Variants in ANKRD62 observed in about 807,000 individuals in gnomAD.
ANKRD62 encodes ankyrin repeat domain 62.
Under a neutral mutation model 98.8 loss-of-function variants are expected in ANKRD62, and 61 were observed. The ratio of observed to expected loss-of-function variants is 0.62; its 90% confidence interval spans 0.50 to 0.76. The LOEUF is 0.76. ANKRD62 is among the 30% of genes least tolerant of loss of function. The pLI, the probability that ANKRD62 is intolerant of heterozygous loss-of-function variation, is 0.00. For synonymous variants in ANKRD62, 341 were observed against 367.9 expected (o/e 0.93, Z 0.84); for missense variants, 933 against 1,082.9 (o/e 0.86, Z 1.94).
intron 6 of ANKRD62, chr18:12,102,646 T>C: frequency 1.2e-6 from 1 of 865,998 alleles, no homozygotes; most frequent in Non-Finnish European, 1.4e-6. Context: ...TACACAGCTG[T>C]TGAAAAATGA....
the ANKRD62 span, among the ~76,000 whole-genome samples, chr18:12,172,110 T>C: frequency 6.6e-6 from 1 of 151,874 alleles, no homozygotes; most frequent in Non-Finnish European, 1.5e-5. Flanking sequence ...AAGTTTCTTA[T>C]TACTGATCAT....
At chr18:12,138,499 G>A in the ANKRD62 span, among the ~76,000 whole-genome samples, 1 of 152,266 alleles carries the variant, frequency 6.6e-6, no homozygotes, top group East Asian at 1.9e-4. Flanking sequence ...GTGTGGTGTG[G>A]TGCTGGAAAG....
In ANKRD62 at chr18:12,093,968, A is replaced by T; in HGVS notation, c.-50A>T. 7.3e-6 allele frequency: 11 copies of T among 1,513,520 alleles called. No individual in the cohort carries two copies. Among genetic ancestry groups the T allele is most frequent in the Non-Finnish European group, 9.7e-6 (11 of 1,128,808 alleles). 93.8% of individuals were successfully genotyped at this position (1,513,520 alleles called of 1,614,324 possible). A position where few individuals can be genotyped will look rare whatever the true frequency, so the allele number is the denominator to read the frequency against. On this transcript the variant is annotated 5_prime_UTR_variant, in exon 1 of 14. Transcript: ENST00000587848. Reference sequence around the variant, plus strand: ...AGAGGCAGAAAACGAGTGGGAGCTGAGGTGTCTTAAAGCCGTTCCTCAGCC... The same window carrying T: ...AGAGGCAGAAAACGAGTGGGAGCTGTGGTGTCTTAAAGCCGTTCCTCAGCC...
At chr18:12,136,770 T>G in the ANKRD62 span, among the ~76,000 whole-genome samples, 1 of 152,206 alleles carries the variant, frequency 6.6e-6, no homozygotes, top group African/African-American at 2.4e-5. Flanking sequence ...TCACATCCCT[T>G]GTAAGTTGTA....
the ANKRD62 span, among the ~76,000 whole-genome samples, chr18:12,164,906 T>C: frequency 2.0e-5 from 3 of 152,006 alleles, no homozygotes; most frequent in South Asian, 6.2e-4. Context: ...TATTATTGTA[T>C]TTAGGTCTAT....
At chr18:12,150,779 G>A in the ANKRD62 span, among the ~76,000 whole-genome samples, 1 of 152,204 alleles carries the variant, frequency 6.6e-6, no homozygotes, top group East Asian at 1.9e-4. Context: ...CACCAGACCT[G>A]CCTTACAAGA....
the ANKRD62 span, among the ~76,000 whole-genome samples, chr18:12,175,060 G>A: frequency 1.5e-4 from 23 of 152,350 alleles, no homozygotes; most frequent in Admixed American, 7.2e-4. Context: ...TGCCTGCCCC[G>A]CTGTGGGCAT....
rs1433379922 is a variant in ANKRD62, at chr18:12,129,321, AT to A, written c.*1384del. ...ACTTTTCTGTAAAGGGCCAAGTAGT[AT>A]TATTTGAGACTTTGTGAGCCATAAG... is the stretch of plus-strand genomic sequence containing the variant. On this transcript the variant is annotated 3_prime_UTR_variant, in exon 14 of 14. Coordinates refer to ENST00000587848, the MANE Select transcript of ANKRD62 (RefSeq NM_001277333.2). 2 of 152,192 alleles carry A rather than the reference AT, an allele frequency of 1.3e-5. No individual in the cohort carries two copies. The highest frequency in any genetic ancestry group is 4.8e-5 in the African/African-American group (2 of 41,440). The allele number at this position is 152,192 out of a possible 1,614,324, so 9.4% of individuals were successfully genotyped here. A position where few individuals can be genotyped will look rare whatever the true frequency, so the allele number is the denominator to read the frequency against.
At position 12,102,158 on chromosome 18, in the gene ANKRD62, A is replaced by G. The variant is rs1909313476; in HGVS notation, c.821-1000A>G. 5 of 1,085,132 alleles carry G rather than the reference A, an allele frequency of 4.6e-6. No individual in the cohort carries two copies. In the East Asian group the frequency reaches 9.4e-5, roughly 20 times the overall value. 67.2% of individuals were successfully genotyped at this position (1,085,132 alleles called of 1,614,324 possible). A position where few individuals can be genotyped will look rare whatever the true frequency, so the allele number is the denominator to read the frequency against. ...TCAGTAACAACTTGTCCAAGGCCCG[A>G]GTAACTATGAAGAGTGAGGGTTGCA... On this transcript the variant is annotated intron_variant, in intron 6 of 13. Coordinates refer to ENST00000587848, the MANE Select transcript of ANKRD62 (RefSeq NM_001277333.2).
At chr18:12,123,915 T>G (rs887688379) in intron 11 of ANKRD62, among the ~76,000 whole-genome samples, 2 of 152,200 alleles carry the variant, frequency 1.3e-5, no homozygotes, top group Non-Finnish European at 2.9e-5. Context: ...TCCATAATAT[T>G]TACGAGAATT....
chr18:12,134,551 T>A (rs1259950381), downstream of ANKRD62, among the ~76,000 whole-genome samples: 1 of 151,914 alleles, frequency 6.6e-6, no homozygotes, highest in Non-Finnish European at 1.5e-5. Context: ...CAGGCCCCAG[T>A]GTGTGATGTT....
intron 3 of ANKRD62, among the ~76,000 whole-genome samples, 169 bp downstream of exon 3, chr18:12,095,779 C>T (rs1488756098): frequency 1.3e-5 from 2 of 152,086 alleles, no homozygotes; most frequent in Admixed American, 6.6e-5. Flanking sequence ...TATGAAAACA[C>T]GAGGTCTGTA....
chr18:12,145,462 G>A, the ANKRD62 span, among the ~76,000 whole-genome samples: 31 of 152,358 alleles, frequency 2.0e-4, no homozygotes, highest in African/African-American at 7.5e-4. Flanking sequence ...GGGCTGTTTT[G>A]CAAATACATG....
At chr18:12,113,419 A>T (rs1909591101) in intron 8 of ANKRD62, among the ~76,000 whole-genome samples, 1 of 152,132 alleles carries the variant, frequency 6.6e-6, no homozygotes, top group African/African-American at 2.4e-5. Context: ...CGAGGTCAGG[A>T]GTTTGAGACC....
chr18:12,114,923 A>G (rs540590500), intron 8 of ANKRD62, among the ~76,000 whole-genome samples, 165 bp from the exon 9 acceptor site: 1 of 152,236 alleles, frequency 6.6e-6, no homozygotes, highest in Non-Finnish European at 1.5e-5. Context: ...CCCCTTGTAA[A>G]AAAAATTGTA....
rs1048409972 is a variant in ANKRD62, at chr18:12,103,275, A to G, written c.891+47A>G. On this transcript the variant is annotated intron_variant, in intron 7 of 13. Transcript: ENST00000587848. The stretch of plus-strand genomic sequence containing the variant: ...AATTTCTGGTTTTCTTTGGTAATGT[A>G]GCATAATCCAAATGAAATTACTTTT... The G allele has an allele frequency of 2.6e-6, 3 of 1,175,064 alleles. No homozygotes were observed. In the African/African-American group the frequency reaches 4.7e-5, roughly 19 times the overall value. The allele number at this position is 1,175,064 out of a possible 1,614,324, so 72.8% of individuals were successfully genotyped here.
In ANKRD62 at chr18:12,099,677, A is replaced by G. The variant is rs1286464760; in HGVS notation, c.815A>G (p.Asn272Ser). 4 of 1,476,344 alleles carry G rather than the reference A, an allele frequency of 2.7e-6. No individual in the cohort carries two copies. Among genetic ancestry groups the G allele is most frequent in the Non-Finnish European group, 2.7e-6 (3 of 1,111,486 alleles). 91.5% of individuals were successfully genotyped at this position (1,476,344 alleles called of 1,614,324 possible). A position where few individuals can be genotyped will look rare whatever the true frequency, so the allele number is the denominator to read the frequency against. ...NKRCKSLQNS[N>S]SEQDLEMTSE... ...AGATGTAAAAGTCTTCAAAATAGCA[A>G]TTCAGGTATGACTTCTGATAGTGAA... The change falls in exon 6 of 14, where the codon AAT (asparagine) becomes AGT (serine). Residue 272 changes from asparagine (N) to serine (S), a missense_variant. Coordinates refer to ENST00000587848, the MANE Select transcript of ANKRD62 (RefSeq NM_001277333.2).
At chr18:12,111,964 G>A (rs539723434) in intron 8 of ANKRD62, among the ~76,000 whole-genome samples, 2 of 151,998 alleles carry the variant, frequency 1.3e-5, no homozygotes, top group Admixed American at 1.3e-4. Context: ...ACAAAAATTA[G>A]CCGGGCGTGG....
At chr18:12,119,603 G>C (rs1029891104) in intron 10 of ANKRD62, among the ~76,000 whole-genome samples, 1 of 152,004 alleles carries the variant, frequency 6.6e-6, no homozygotes, top group African/African-American at 2.4e-5. Context: ...ATTCAGGAGG[G>C]CTTGGCTCTC....
Sources: gnomAD v4.1 joint callset for allele counts (sites outside exome capture counted in the v4.1 genomes callset) on GRCh38, gnomAD v4.1.1 for gene constraint, MANE v1.5 for transcripts, NCBI Gene and HGNC (gene_info 2026-07-23, HGNC 2026-07-21) for gene names.